Variants in SOX6 observed in about 807,000 individuals in gnomAD.
SOX6 encodes transcription factor SOX-6.
In SOX6, 11 loss-of-function variants were observed where a neutral mutation model predicts 97.8. The observed-to-expected ratio is 0.11, with a 90% CI of 0.07 to 0.19. SOX6 has a LOEUF of 0.19. SOX6 is among the 10% of genes least tolerant of loss of function. The probability of loss-of-function intolerance (pLI) is 1.00; values close to 1 mark genes in which losing one functional copy is unlikely to be tolerated. For missense variants in SOX6, 810 were observed against 1,039.5 expected (o/e 0.78, Z 3.04); for synonymous variants, 360 against 371.4 (o/e 0.97, Z 0.35).
chr11:16,302,086 A>T (rs1002328585), intron 3 of SOX6, among the ~76,000 whole-genome samples: 1 of 152,050 alleles, frequency 6.6e-6, no homozygotes, highest in Non-Finnish European at 1.5e-5. Flanking sequence ...TTCCCCTGCC[A>T]TTGCCTTAGT....
chr11:16,108,229 T>C (rs1849144396), intron 7 of SOX6, among the ~76,000 whole-genome samples: 1 of 152,114 alleles, frequency 6.6e-6, no homozygotes, highest in Non-Finnish European at 1.5e-5. Context: ...TATCATATCA[T>C]AACTAGTGAG....
At chr11:16,163,584 C>T (rs1300262687) in intron 6 of SOX6, among the ~76,000 whole-genome samples, 1 of 152,202 alleles carries the variant, frequency 6.6e-6, no homozygotes, top group Non-Finnish European at 1.5e-5. Context: ...ACAAACTCTT[C>T]CCACACATAC....
At chr11:16,528,896 G>A (rs1565172987) in intron 4 of SOX6, among the ~76,000 whole-genome samples, 1 of 152,026 alleles carries the variant, frequency 6.6e-6, no homozygotes, top group Admixed American at 6.6e-5. Context: ...TTATTTTGTA[G>A]CTGCCTGAAT....
chr11:16,402,988 A>G, intron 1 of SOX6: 1 of 633,770 alleles, frequency 1.6e-6, no homozygotes. Context: ...TCCCTCACAG[A>G]TGGAAGTTGG....
chr11:16,396,836 C>A (rs1400027601), intron 1 of SOX6, among the ~76,000 whole-genome samples: 2 of 151,418 alleles, frequency 1.3e-5, no homozygotes, highest in Non-Finnish European at 3.0e-5. Flanking sequence ...AAAATCATAT[C>A]TTTTCACTTA....
intron 1 of SOX6, among the ~76,000 whole-genome samples, chr11:16,376,828 C>G (rs887884999): frequency 1.3e-5 from 2 of 150,750 alleles, no homozygotes; most frequent in Non-Finnish European, 3.0e-5. Context: ...AACTGACAAG[C>G]GTATATTTTT....
intron 3 of SOX6, among the ~76,000 whole-genome samples, chr11:16,305,266 T>C (rs1301098709): frequency 5.3e-5 from 8 of 152,086 alleles, no homozygotes; most frequent in Admixed American, 1.3e-4. Flanking sequence ...GAGAAGACAT[T>C]TTACCTACAA....
intron 1 of SOX6, among the ~76,000 whole-genome samples, chr11:16,448,895 A>C (rs1352275146): frequency 6.6e-6 from 1 of 152,138 alleles, no homozygotes; most frequent in East Asian, 1.9e-4. Flanking sequence ...GTTAGCTGTG[A>C]ACAGTAATGC....
chr11:16,243,509 T>A (rs1049950328), intron 3 of SOX6, among the ~76,000 whole-genome samples: 1 of 151,824 alleles, frequency 6.6e-6, no homozygotes. Context: ...CTAGTTTTTT[T>A]AATTAACTAT....
chr11:16,532,931 A>G (rs1258964980), intron 4 of SOX6, among the ~76,000 whole-genome samples: 1 of 151,894 alleles, frequency 6.6e-6, no homozygotes, highest in Non-Finnish European at 1.5e-5. Flanking sequence ...ACATCTGTAT[A>G]TTTTGGTGTG....
chr11:16,670,468 CCACT>C (rs1294300560), intron 3 of SOX6, among the ~76,000 whole-genome samples: 5 of 152,174 alleles, frequency 3.3e-5, no homozygotes, highest in Non-Finnish European at 5.9e-5. Flanking sequence ...ATCCTCTCTG[CCACT>C]GCCTCTGCAG....
At chr11:16,672,031 T>G (rs1297910113) in intron 3 of SOX6, among the ~76,000 whole-genome samples, 1 of 152,196 alleles carries the variant, frequency 6.6e-6, no homozygotes, top group Non-Finnish European at 1.5e-5. Flanking sequence ...ACCAAGAATT[T>G]TATATCTAGC....
intron 1 of SOX6, among the ~76,000 whole-genome samples, chr11:16,373,881 AAGGAAGGGAGGG>A (rs1410127520): frequency 5.4e-4 from 6 of 11,100 alleles, no homozygotes; most frequent in African/African-American, 1.9e-3. Context: ...GGAAGGAAGG[AAGGAAGGGAGGG>A]AGGGAGGAAG....
chr11:16,602,194 C>T (rs560720210), intron 4 of SOX6, among the ~76,000 whole-genome samples: 6 of 152,068 alleles, frequency 3.9e-5, no homozygotes, highest in Admixed American at 2.0e-4. Flanking sequence ...CAACAATAAA[C>T]AGAATAAACA....
At chr11:16,054,058 A>T (rs1847752423) in intron 10 of SOX6, among the ~76,000 whole-genome samples, 1 of 152,166 alleles carries the variant, frequency 6.6e-6, no homozygotes, top group Admixed American at 6.6e-5. Context: ...GATCTCTAAG[A>T]ATTTGCATGT....
intron 3 of SOX6, among the ~76,000 whole-genome samples, chr11:16,639,831 G>C (rs1462828463): frequency 6.6e-6 from 1 of 152,070 alleles, no homozygotes; most frequent in African/African-American, 2.4e-5. Context: ...GGGTTTTCTA[G>C]ATATACAATC....
intron 6 of SOX6, among the ~76,000 whole-genome samples, chr11:16,155,247 T>A (rs1424051960): frequency 1.3e-5 from 2 of 152,092 alleles, no homozygotes; most frequent in Admixed American, 1.3e-4. Context: ...GTGTAGTGGT[T>A]AAGAGCACAC....
At chr11:16,398,385 A>G (rs1858427396) in intron 1 of SOX6, among the ~76,000 whole-genome samples, 2 of 151,428 alleles carry the variant, frequency 1.3e-5, no homozygotes, top group South Asian at 4.2e-4. Context: ...CCTTTTAGCT[A>G]GTTATACATT....
intron 1 of SOX6, among the ~76,000 whole-genome samples, chr11:16,419,932 G>A (rs1565139080): frequency 6.6e-6 from 1 of 152,106 alleles, no homozygotes; most frequent in Non-Finnish European, 1.5e-5. Context: ...CCTACATGAC[G>A]GGGGAAAAGG....
Sources: allele counts gnomAD v4.1 joint callset (sites outside exome capture counted in the v4.1 genomes callset), GRCh38; gene constraint gnomAD v4.1.1; transcripts MANE v1.5; gene names NCBI Gene and HGNC (gene_info 2026-07-23, HGNC 2026-07-21).